Variants in NME9 observed in about 807,000 individuals in gnomAD.
The protein encoded by NME9 is thioredoxin domain-containing protein 6.
In NME9, 48 loss-of-function variants were observed where a neutral mutation model predicts 44.4. That is an observed-to-expected ratio of 1.08 (90% CI 0.86 to 1.37). NME9 has a LOEUF of 1.37. NME9 is among the 40% of genes most tolerant of loss of function. The probability of loss-of-function intolerance (pLI) is 0.00; values close to 1 mark genes in which losing one functional copy is unlikely to be tolerated. For missense variants in NME9, 325 were observed against 405.2 expected, an observed-to-expected ratio of 0.80 and a Z score of 1.70; for synonymous variants, 139 against 147.1, an observed-to-expected ratio of 0.94 and a Z score of 0.40.
At chr3:138,268,291 T>C (rs1006292764) in intron 8 of NME9, among the ~76,000 whole-genome samples, 2 of 152,048 alleles carry the variant, frequency 1.3e-5, no homozygotes, top group African/African-American at 4.8e-5. Flanking sequence ...GAAATAGTTA[T>C]TCAACAAGCA....
intron 8 of NME9, among the ~76,000 whole-genome samples, chr3:138,280,524 C>G (rs576041867): frequency 6.7e-6 from 1 of 149,052 alleles, no homozygotes; most frequent in Admixed American, 6.7e-5. Context: ...GACAGTCTCT[C>G]GCTCTGTCGC....
In NME9 at chr3:138,306,432, A is replaced by G; in HGVS notation, c.509T>C (p.Val170Ala). 6.2e-7 allele frequency: 1 copy of G among 1,613,674 alleles called. No individual in the cohort carries two copies. Among genetic ancestry groups the G allele is most frequent in the Non-Finnish European group, 8.5e-7 (1 of 1,179,628 alleles). ...AATCTCATCAGTCTTTCCATGGGCC[A>G]CTGCATCTGGTTTAATGATGGCCAA... ...CTLAIIKPDA[V>A]AHGKTDEIIM... Residue 170 changes from valine (V) to alanine (A), a missense_variant, in exon 7 of 11, where the codon GTG (valine) becomes GCG (alanine). Val to Ala is a moderately conservative substitution (Grantham distance 64). Coordinates refer to ENST00000333911, the MANE Select transcript of NME9 (RefSeq NM_001349018.2).
chr3:138,293,759 A>G (rs2051211088), intron 8 of NME9, among the ~76,000 whole-genome samples: 2 of 152,138 alleles, frequency 1.3e-5, no homozygotes, highest in African/African-American at 2.4e-5. Flanking sequence ...TGGGGGTTTT[A>G]TCTCATATTT....
intron 8 of NME9, among the ~76,000 whole-genome samples, chr3:138,281,031 C>G (rs909544706): frequency 6.6e-6 from 1 of 152,154 alleles, no homozygotes; most frequent in Non-Finnish European, 1.5e-5. Context: ...CTGTGCTGTT[C>G]TAGCCTGGAA....
chr3:138,326,035 T>G (rs943303231), intron 1 of NME9, among the ~76,000 whole-genome samples: 1 of 152,212 alleles, frequency 6.6e-6, no homozygotes, highest in Non-Finnish European at 1.5e-5. Flanking sequence ...GTCAAGTCTT[T>G]TTAGTCTGGA....
intron 8 of NME9, among the ~76,000 whole-genome samples, chr3:138,283,073 C>T (rs2050094846): frequency 6.6e-6 from 1 of 152,176 alleles, no homozygotes; most frequent in African/African-American, 2.4e-5. Flanking sequence ...ATAAATAGTT[C>T]CCCAGTGTTT....
intron 1 of NME9, 30 bp downstream of exon 1, chr3:138,329,273 A>C: frequency 2.0e-6 from 3 of 1,530,716 alleles, no homozygotes; most frequent in Admixed American, 2.0e-5. Flanking sequence ...CCCAACCCAG[A>C]GCTGGAAGCT....
chr3:138,323,564 C>T (rs904047930), intron 2 of NME9, among the ~76,000 whole-genome samples: 3 of 152,190 alleles, frequency 2.0e-5, no homozygotes, highest in African/African-American at 7.2e-5. Flanking sequence ...CCAGGAGGGA[C>T]ATGACCACAC....
chr3:138,266,954 A>C (rs2048340527), intron 8 of NME9, among the ~76,000 whole-genome samples: 1 of 152,204 alleles, frequency 6.6e-6, no homozygotes, highest in African/African-American at 2.4e-5. Flanking sequence ...CAAGCAAGAC[A>C]GATTTGAGGG....
At position 138,329,662 on chromosome 3, in the gene NME9, G is replaced by A; in HGVS notation, c.-327C>T. 1 of 1,240,960 alleles carries A rather than the reference G, an allele frequency of 8.1e-7. No individual in the cohort carries two copies. The highest frequency in any genetic ancestry group is 1.0e-6 in the Non-Finnish European group (1 of 989,162). The allele number at this position is 1,240,960 out of a possible 1,614,324, so 76.9% of individuals were successfully genotyped here. ...AGGCCGGAGTCAGTGCGCCGGGCGC[G>A]GTGCAGCCTGTCGGGCACAGGGTCG... On this transcript the variant is annotated 5_prime_UTR_variant, in exon 1 of 11. Transcript: ENST00000333911.
chr3:138,279,181 G>T (rs1487712656), intron 8 of NME9, among the ~76,000 whole-genome samples: 1 of 152,154 alleles, frequency 6.6e-6, no homozygotes, highest in Non-Finnish European at 1.5e-5. Flanking sequence ...GAAAGGAAAA[G>T]AAATTATCTT....
downstream of NME9, chr3:138,297,741 C>G (rs762354975): frequency 2.0e-5 from 3 of 152,114 alleles, no homozygotes; most frequent in Non-Finnish European, 4.4e-5. Context: ...GTGAGAAACC[C>G]AGTTAAAAGA....
chr3:138,290,871 CT>C (rs2050872323), intron 8 of NME9, among the ~76,000 whole-genome samples: 1 of 152,220 alleles, frequency 6.6e-6, no homozygotes, highest in Non-Finnish European at 1.5e-5. Flanking sequence ...TCTGGGCCAT[CT>C]TAGTGGATTG....
intron 6 of NME9, among the ~76,000 whole-genome samples, chr3:138,313,951 A>C (rs2052887421): frequency 6.6e-6 from 1 of 152,240 alleles, no homozygotes; most frequent in African/African-American, 2.4e-5. Flanking sequence ...AATAGGTACA[A>C]TCTACAGATA....
At chr3:138,308,290 A>C (rs1020855957) in intron 6 of NME9, among the ~76,000 whole-genome samples, 2 of 152,298 alleles carry the variant, frequency 1.3e-5, no homozygotes, top group East Asian at 3.9e-4. Flanking sequence ...AAAACAGCCT[A>C]TTTCAAGCAA....
At chr3:138,262,551 C>G in exon 9 of NME9, 1 of 1,611,408 alleles carries the variant, frequency 6.2e-7, no homozygotes, top group Non-Finnish European at 8.5e-7. Context: ...TAGTCTAGGT[C>G]AGTGATCTTC....
intron 4 of NME9, among the ~76,000 whole-genome samples, chr3:138,316,485 A>G (rs2053089686): frequency 6.6e-6 from 1 of 152,218 alleles, no homozygotes; most frequent in Non-Finnish European, 1.5e-5. Flanking sequence ...GGAAACTTAT[A>G]AGGTGCTTGG....
At chr3:138,325,604 C>T (rs1237402683) in intron 1 of NME9, among the ~76,000 whole-genome samples, 1 of 151,966 alleles carries the variant, frequency 6.6e-6, no homozygotes, top group African/African-American at 2.4e-5. Flanking sequence ...GACGGGGTTC[C>T]ACCATGTTGG....
intron 9 of NME9, 27 bp downstream of exon 9, chr3:138,304,846 T>C: frequency 6.2e-7 from 1 of 1,608,072 alleles, no homozygotes; most frequent in Non-Finnish European, 8.5e-7. Context: ...TTAAGATGGA[T>C]GAAAGGACCA....
Sources: allele counts gnomAD v4.1 joint callset (sites outside exome capture counted in the v4.1 genomes callset), GRCh38; gene constraint gnomAD v4.1.1; transcripts MANE v1.5; gene names NCBI Gene and HGNC (gene_info 2026-07-23, HGNC 2026-07-21).